Variants in CNTNAP2 observed in about 807,000 individuals in gnomAD.
The protein encoded by CNTNAP2 is contactin-associated protein-like 2.
CNTNAP2 carries 98 observed loss-of-function variants against 155.2 expected under a neutral mutation model. The ratio of observed to expected loss-of-function variants is 0.63; its 90% confidence interval spans 0.54 to 0.75. The LOEUF (loss-of-function observed/expected upper bound fraction) is 0.75. Ranked by LOEUF, CNTNAP2 falls within the 30% of genes least tolerant of loss-of-function variation. The pLI is 0.00. For missense variants in CNTNAP2, 1,727 were observed against 1,688.1 expected (o/e 1.02, Z -0.40); for synonymous variants, 651 against 631.2 (o/e 1.03, Z -0.47).
At chr7:146,824,467 T>G (rs1803360503) in intron 2 of CNTNAP2, among the ~76,000 whole-genome samples, 1 of 152,092 alleles carries the variant, frequency 6.6e-6, no homozygotes, top group African/African-American at 2.4e-5. Flanking sequence ...CGCCACACTG[T>G]GTTCCACAAT....
intron 17 of CNTNAP2, among the ~76,000 whole-genome samples, chr7:148,171,818 T>A (rs1454570176): frequency 6.6e-6 from 1 of 152,226 alleles, no homozygotes; most frequent in Non-Finnish European, 1.5e-5. Context: ...GTCTTCCAAC[T>A]AATTGACTTG....
In CNTNAP2 at chr7:147,636,296, G is replaced by T. The variant is rs73470989; in HGVS notation, c.1898-2810G>T. 2.0e-5 allele frequency among the ~76,000 whole-genome samples: 3 copies of T among 152,176 alleles called. No homozygotes were observed. In the East Asian group the frequency reaches 5.8e-4, roughly 29 times the overall value. On this transcript the variant is annotated intron_variant, in intron 12 of 23. Coordinates refer to ENST00000361727, the MANE Select transcript of CNTNAP2 (RefSeq NM_014141.6). ...AGGGATGTTGTTATAGATGAAAGGGGTTTAGAGCCTAGAAGATGAAGTCAC... is the reference window on the plus strand; with the variant it reads ...AGGGATGTTGTTATAGATGAAAGGGTTTTAGAGCCTAGAAGATGAAGTCAC...
chr7:147,590,768 G>T (rs998780120), intron 12 of CNTNAP2, among the ~76,000 whole-genome samples: 1 of 152,200 alleles, frequency 6.6e-6, no homozygotes, highest in African/African-American at 2.4e-5. Flanking sequence ...CAGAGAAGTA[G>T]ATGCTGGTGG....
chr7:147,444,493 A>G (rs1238247250), intron 10 of CNTNAP2, among the ~76,000 whole-genome samples: 1 of 150,916 alleles, frequency 6.6e-6, no homozygotes, highest in African/African-American at 2.4e-5. Flanking sequence ...TAGAAATTTC[A>G]TAACGTATTT....
chr7:146,986,169 A>C (rs1293235459), intron 3 of CNTNAP2, among the ~76,000 whole-genome samples: 2 of 152,036 alleles, frequency 1.3e-5, no homozygotes, highest in African/African-American at 2.4e-5. Flanking sequence ...CCCTTTCTCC[A>C]TGAGTCCCTA....
At chr7:147,719,979 TAC>T (rs1796540370) in intron 13 of CNTNAP2, among the ~76,000 whole-genome samples, 1 of 152,116 alleles carries the variant, frequency 6.6e-6, no homozygotes, top group South Asian at 2.1e-4. Context: ...ACCCACCTTG[TAC>T]ATTTTAATTA....
intron 16 of CNTNAP2, chr7:148,133,791 C>T (rs549963741): frequency 6.6e-6 from 1 of 152,240 alleles, no homozygotes; most frequent in East Asian, 1.9e-4. Context: ...AAGAAACCTT[C>T]TGTGAATGGT....
intron 21 of CNTNAP2, among the ~76,000 whole-genome samples, chr7:148,375,000 G>A (rs1003321017): frequency 6.6e-6 from 1 of 152,122 alleles, no homozygotes; most frequent in Non-Finnish European, 1.5e-5. Flanking sequence ...CATGCCATGT[G>A]ACAGGGCACC....
intron 11 of CNTNAP2, among the ~76,000 whole-genome samples, chr7:147,528,476 G>T (rs1209379878): frequency 6.6e-6 from 1 of 152,152 alleles, no homozygotes; most frequent in East Asian, 1.9e-4. Context: ...GTCTCCCTCA[G>T]TGTGCTAGCT....
chr7:146,835,294 A>G (rs979018093), intron 2 of CNTNAP2, among the ~76,000 whole-genome samples: 1 of 152,144 alleles, frequency 6.6e-6, no homozygotes, highest in Non-Finnish European at 1.5e-5. Flanking sequence ...TCACCAATCA[A>G]TCAGACATTT....
At chr7:148,092,394 C>T (rs980302783) in intron 15 of CNTNAP2, among the ~76,000 whole-genome samples, 1 of 152,102 alleles carries the variant, frequency 6.6e-6, no homozygotes, top group African/African-American at 2.4e-5. Context: ...AGCTCTAAAG[C>T]TTCCCTGAAA....
chr7:147,651,541 G>T (rs1795450897), intron 13 of CNTNAP2, among the ~76,000 whole-genome samples: 1 of 152,140 alleles, frequency 6.6e-6, no homozygotes, highest in African/African-American at 2.4e-5. Flanking sequence ...TCCCTCATTT[G>T]TATCACATAT....
chr7:146,363,480 A>C (rs1795113592), intron 1 of CNTNAP2, among the ~76,000 whole-genome samples: 1 of 152,190 alleles, frequency 6.6e-6, no homozygotes, highest in Non-Finnish European at 1.5e-5. Context: ...GCTCTAAGTG[A>C]CTCTAACAGT....
At chr7:148,183,678 C>T (rs566182908) in intron 18 of CNTNAP2, among the ~76,000 whole-genome samples, 78 of 152,000 alleles carry the variant, frequency 5.1e-4, no homozygotes, top group African/African-American at 1.7e-3. Context: ...AACAGGGTCT[C>T]ACTGTGTTGC....
chr7:147,642,231 C>G (rs879458727), intron 13 of CNTNAP2, among the ~76,000 whole-genome samples: 5 of 152,030 alleles, frequency 3.3e-5, no homozygotes, highest in Non-Finnish European at 5.9e-5. Flanking sequence ...GGACAAATTC[C>G]TGACCAGCAA....
chr7:148,113,251 A>G (rs1480803178), intron 15 of CNTNAP2, among the ~76,000 whole-genome samples: 1 of 152,182 alleles, frequency 6.6e-6, no homozygotes, highest in Non-Finnish European at 1.5e-5. Flanking sequence ...CAGGAAACTT[A>G]CAATCATGGC....
At chr7:147,010,881 C>T (rs1272858717) in intron 3 of CNTNAP2, among the ~76,000 whole-genome samples, 5 of 151,986 alleles carry the variant, frequency 3.3e-5, no homozygotes, top group Non-Finnish European at 7.4e-5. Context: ...AATGTACCTC[C>T]CCCCGCCCCA....
At chr7:147,670,012 A>G (rs186748579) in intron 13 of CNTNAP2, among the ~76,000 whole-genome samples, 1 of 152,150 alleles carries the variant, frequency 6.6e-6, no homozygotes, top group Admixed American at 6.5e-5. Flanking sequence ...CATCTTCTAG[A>G]GATGGCATTA....
intron 1 of CNTNAP2, among the ~76,000 whole-genome samples, chr7:146,485,916 A>G (rs942624168): frequency 1.3e-5 from 2 of 152,190 alleles, no homozygotes; most frequent in Non-Finnish European, 1.5e-5. Flanking sequence ...TAATCTGTCT[A>G]TACAAGTTAA....
Sources: allele counts gnomAD v4.1 joint callset (sites outside exome capture counted in the v4.1 genomes callset), GRCh38; gene constraint gnomAD v4.1.1; transcripts MANE v1.5; gene names NCBI Gene and HGNC (gene_info 2026-07-23, HGNC 2026-07-21).